The following GMDS variants were observed in gnomAD, a reference collection of about 807,000 sequenced individuals.
GMDS encodes the protein GDP-mannose 4,6-dehydratase.
GMDS carries 20 observed loss-of-function variants against 49.9 expected under a neutral mutation model. The observed-to-expected ratio is 0.40, with a 90% CI of 0.28 to 0.58. The LOEUF is 0.58. GMDS is among the 20% of genes least tolerant of loss of function. GMDS has a pLI of 0.42. For missense variants in GMDS, 362 were observed against 481.4 expected (o/e 0.75, Z 2.32); for synonymous variants, 177 against 178.6 (o/e 0.99, Z 0.07).
chr6:2,055,594 A>C (rs1562011228), intron 4 of GMDS, among the ~76,000 whole-genome samples: 1 of 152,110 alleles, frequency 6.6e-6, no homozygotes, highest in Non-Finnish European at 1.5e-5. Context: ...TTAACCTCAT[A>C]GGTTAGCATT....
intron 7 of GMDS, among the ~76,000 whole-genome samples, chr6:1,855,011 A>C (rs1351435592): frequency 6.6e-6 from 1 of 152,368 alleles, no homozygotes; most frequent in East Asian, 1.9e-4. Flanking sequence ...AAAAAAAATA[A>C]AAGTTCCTCA....
At chr6:2,216,799 G>A (rs1170055063) in intron 1 of GMDS, among the ~76,000 whole-genome samples, 1 of 152,070 alleles carries the variant, frequency 6.6e-6, no homozygotes, top group Non-Finnish European at 1.5e-5. Context: ...GCATTTACGT[G>A]CTCCAAACAC....
chr6:2,239,708 T>C (rs960449610), intron 1 of GMDS, among the ~76,000 whole-genome samples: 1 of 150,802 alleles, frequency 6.6e-6, no homozygotes, highest in African/African-American at 2.4e-5. Context: ...TTTTTTGAAA[T>C]GGAGTCTTGC....
intron 8 of GMDS, among the ~76,000 whole-genome samples, chr6:1,740,294 T>C (rs12197874): frequency 0.37 from 55,926 of 152,080 alleles, 11,080 homozygotes; most frequent in Admixed American, 0.46. Flanking sequence ...CGGTGGCTCA[T>C]GCCTGTAATC....
At chr6:2,200,387 T>C (rs1199634140) in intron 1 of GMDS, among the ~76,000 whole-genome samples, 7 of 129,082 alleles carry the variant, frequency 5.4e-5, no homozygotes, top group East Asian at 2.3e-4. Context: ...AGCAGAGAGG[T>C]GAAGGATGAA....
At chr6:2,211,995 T>C (rs997137740) in intron 1 of GMDS, among the ~76,000 whole-genome samples, 1 of 152,210 alleles carries the variant, frequency 6.6e-6, no homozygotes, top group Non-Finnish European at 1.5e-5. Flanking sequence ...TTAACCCATC[T>C]CTTTTTAATT....
intron 4 of GMDS, among the ~76,000 whole-genome samples, chr6:1,981,880 A>G (rs1200532054): frequency 3.3e-5 from 5 of 152,256 alleles, no homozygotes; most frequent in Admixed American, 6.5e-5. Context: ...TACACAAATC[A>G]ATAAATGTGA....
intron 4 of GMDS, among the ~76,000 whole-genome samples, chr6:2,106,489 G>A (rs1272615590): frequency 5.9e-5 from 9 of 151,668 alleles, no homozygotes; most frequent in East Asian, 1.9e-4. Context: ...TTTTGGGGGC[G>A]GGGGAGATAC....
intron 4 of GMDS, among the ~76,000 whole-genome samples, chr6:2,022,270 A>G (rs1768323076): frequency 6.6e-6 from 1 of 152,164 alleles, no homozygotes; most frequent in African/African-American, 2.4e-5. Context: ...CAGGGTAGGA[A>G]GGGCAAACCT....
chr6:1,784,209 T>C (rs781584399), intron 7 of GMDS, among the ~76,000 whole-genome samples: 1 of 151,924 alleles, frequency 6.6e-6, no homozygotes, highest in Non-Finnish European at 1.5e-5. Context: ...CTGACCAACA[T>C]GGTGAAACCC....
intron 9 of GMDS, among the ~76,000 whole-genome samples, chr6:1,628,752 G>A (rs1385761359): frequency 6.6e-6 from 1 of 152,192 alleles, no homozygotes; most frequent in African/African-American, 2.4e-5. Flanking sequence ...AGGAGAAGAT[G>A]TATGGACAGG....
At chr6:2,130,735 T>C (rs1218997702) in intron 1 of GMDS, among the ~76,000 whole-genome samples, 2 of 152,132 alleles carry the variant, frequency 1.3e-5, no homozygotes, top group Non-Finnish European at 2.9e-5. Context: ...TGTTATGTTA[T>C]GTCCATGATT....
intron 7 of GMDS, among the ~76,000 whole-genome samples, chr6:1,896,362 T>A (rs1231147670): frequency 6.6e-6 from 1 of 152,168 alleles, no homozygotes. Context: ...CTCCATAACA[T>A]TCTTGAGGAA....
chr6:1,849,970 G>A (rs1364355701), intron 7 of GMDS, among the ~76,000 whole-genome samples: 1 of 152,294 alleles, frequency 6.6e-6, no homozygotes, highest in African/African-American at 2.4e-5. Flanking sequence ...GTCTTAAAGA[G>A]CTTTTTACAC....
At chr6:2,137,123 A>AAT (rs890824996) in intron 1 of GMDS, among the ~76,000 whole-genome samples, 2 of 152,128 alleles carry the variant, frequency 1.3e-5, no homozygotes, top group African/African-American at 4.8e-5. Flanking sequence ...TTTTGTAGCC[A>AAT]ATATATATAA....
intron 9 of GMDS, among the ~76,000 whole-genome samples, chr6:1,709,881 C>A (rs564152523): frequency 6.6e-6 from 1 of 152,162 alleles, no homozygotes; most frequent in Non-Finnish European, 1.5e-5. Flanking sequence ...TTGGGCTAAA[C>A]CTGCCTAACT....
intron 1 of GMDS, among the ~76,000 whole-genome samples, chr6:2,162,539 G>A (rs1217395845): frequency 6.6e-6 from 1 of 152,050 alleles, no homozygotes; most frequent in East Asian, 1.9e-4. Flanking sequence ...GTTTTTTCTA[G>A]TCTCATGTAT....
At chr6:1,998,589 T>A (rs1387948427) in intron 4 of GMDS, among the ~76,000 whole-genome samples, 1 of 152,128 alleles carries the variant, frequency 6.6e-6, no homozygotes, top group Non-Finnish European at 1.5e-5. Context: ...CAATTCAAAA[T>A]ATTCAGAAAA....
intron 4 of GMDS, among the ~76,000 whole-genome samples, chr6:2,087,018 AAAT>A (rs1773055851): frequency 6.6e-6 from 1 of 152,226 alleles, no homozygotes; most frequent in South Asian, 2.1e-4. Flanking sequence ...TGTTGAGCTA[AAAT>A]ACTAAAGAAT....
Sources: allele counts gnomAD v4.1 joint callset (sites outside exome capture counted in the v4.1 genomes callset), GRCh38; gene constraint gnomAD v4.1.1; transcripts MANE v1.5; gene names NCBI Gene and HGNC (gene_info 2026-07-23, HGNC 2026-07-21).